Variants in GPC5 observed in about 807,000 individuals in gnomAD.
The protein encoded by GPC5 is glypican-5.
A neutral mutation model predicts 53.9 loss-of-function variants in GPC5; 47 were observed. That is an observed-to-expected ratio of 0.87 (90% CI 0.69 to 1.11). The LOEUF is 1.11. GPC5 is among the 50% of genes most tolerant of loss of function. The pLI, the probability that GPC5 is intolerant of heterozygous loss-of-function variation, is 0.00. For missense variants in GPC5, 748 were observed against 713.1 expected (o/e 1.05, Z -0.56); for synonymous variants, 286 against 263.3 (o/e 1.09, Z -0.84).
At chr13:92,443,372 A>G (rs1214383680) in intron 7 of GPC5, among the ~76,000 whole-genome samples, 1 of 152,190 alleles carries the variant, frequency 6.6e-6, no homozygotes, top group Admixed American at 6.5e-5. Context: ...TCCAAACCAT[A>G]TTTCCAGATG....
intron 2 of GPC5, among the ~76,000 whole-genome samples, chr13:91,537,515 T>C (rs1886647447): frequency 1.3e-5 from 2 of 152,194 alleles, no homozygotes; most frequent in African/African-American, 2.4e-5. Flanking sequence ...AGTAAAGAGA[T>C]TGTATTGGTA....
chr13:92,625,017 C>T (rs1885001466), intron 7 of GPC5, among the ~76,000 whole-genome samples: 1 of 152,090 alleles, frequency 6.6e-6, no homozygotes, highest in African/African-American at 2.4e-5. Context: ...CTATCTAATC[C>T]AGAGCTTGCT....
At chr13:92,389,189 G>C (rs1307871420) in intron 7 of GPC5, among the ~76,000 whole-genome samples, 1 of 152,126 alleles carries the variant, frequency 6.6e-6, no homozygotes, top group Non-Finnish European at 1.5e-5. Context: ...AAAAGTCTTA[G>C]TTTTATTTAT....
chr13:92,431,499 A>C (rs1877084861), intron 7 of GPC5, among the ~76,000 whole-genome samples: 1 of 151,724 alleles, frequency 6.6e-6, no homozygotes, highest in Non-Finnish European at 1.5e-5. Context: ...AAAGCACTTC[A>C]GGAAGATTAA....
chr13:92,227,605 G>A lies in GPC5; in HGVS notation c.1561+82616G>A, dbSNP rs2042497463. Among the ~76,000 whole-genome samples the A allele has an allele frequency of 2.0e-5, 3 of 151,890 alleles. No homozygotes were observed. In the South Asian group the frequency reaches 6.2e-4, roughly 32 times the overall value. On this transcript the variant is annotated intron_variant, in intron 7 of 7. Transcript: ENST00000377067. ...CAAAAGAGACAGAAAAACGAAACTT[G>A]GTAATAACCAATATAATAAAGTAGA...
intron 7 of GPC5, among the ~76,000 whole-genome samples, chr13:92,844,562 G>A (rs1376207016): frequency 1.3e-5 from 2 of 151,676 alleles, no homozygotes; most frequent in East Asian, 3.9e-4. Context: ...GTGTGTATAC[G>A]TGTGTCCCTG....
At chr13:92,628,748 G>A (rs188137539) in intron 7 of GPC5, among the ~76,000 whole-genome samples, 86 of 152,184 alleles carry the variant, frequency 5.7e-4, no homozygotes, top group African/African-American at 1.9e-3. Context: ...CTCCTTCTCC[G>A]AGTTGAGACT....
At chr13:92,863,090 C>T (rs1367652730) in intron 7 of GPC5, among the ~76,000 whole-genome samples, 1 of 152,142 alleles carries the variant, frequency 6.6e-6, no homozygotes, top group Non-Finnish European at 1.5e-5. Context: ...TCAGCCATTC[C>T]AGATGACAAG....
intron 6 of GPC5, among the ~76,000 whole-genome samples, chr13:91,983,205 G>A (rs1269014165): frequency 6.6e-6 from 1 of 152,148 alleles, no homozygotes; most frequent in Non-Finnish European, 1.5e-5. Flanking sequence ...AATTAGCCGG[G>A]CGTACTGGCG....
chr13:91,507,733 A>T (rs1334309975), intron 2 of GPC5, among the ~76,000 whole-genome samples: 3 of 152,050 alleles, frequency 2.0e-5, no homozygotes, highest in Non-Finnish European at 4.4e-5. Context: ...CATCACATTG[A>T]GGGGTTAGGT....
chr13:92,759,467 G>A (rs1875068783), intron 7 of GPC5, among the ~76,000 whole-genome samples: 2 of 151,624 alleles, frequency 1.3e-5, no homozygotes, highest in African/African-American at 4.8e-5. Context: ...TCCTGATTAT[G>A]TTTTATACTA....
intron 6 of GPC5, among the ~76,000 whole-genome samples, chr13:92,077,712 A>G (rs1445612430): frequency 6.6e-6 from 1 of 152,196 alleles, no homozygotes; most frequent in South Asian, 2.1e-4. Flanking sequence ...CTGAGTGCAG[A>G]AAGTCTGCAA....
chr13:92,377,055 T>C (rs2043700897), intron 7 of GPC5, among the ~76,000 whole-genome samples: 1 of 152,040 alleles, frequency 6.6e-6, no homozygotes. Flanking sequence ...CTGACTGAAG[T>C]AAGACAGTCA....
intron 6 of GPC5, among the ~76,000 whole-genome samples, chr13:91,991,607 C>T (rs138479776): frequency 4.6e-5 from 7 of 152,072 alleles, no homozygotes; most frequent in East Asian, 1.9e-4. Context: ...CACATTTTCC[C>T]GTAAACATCA....
At chr13:91,536,694 A>G (rs6492551) in intron 2 of GPC5, among the ~76,000 whole-genome samples, 142,182 of 152,206 alleles carry the variant, frequency 0.93, 66,480 homozygotes, top group East Asian at 1. Flanking sequence ...CTGTGTCTAT[A>G]TAAGTACATC....
chr13:92,239,484 T>A (rs2042594050), intron 7 of GPC5, among the ~76,000 whole-genome samples: 3 of 152,048 alleles, frequency 2.0e-5, no homozygotes, highest in Admixed American at 2.0e-4. Context: ...GCATGCATGG[T>A]CATTTGGTTC....
In GPC5 at chr13:92,116,487, T is replaced by C. The variant is rs148090864; in HGVS notation, c.1402-28343T>C. On this transcript the variant is annotated intron_variant, in intron 6 of 7. Transcript: ENST00000377067. ...TGTCATGGCAGCCATAGCAAACTAA[T>C]ATACCGTGTTTGTTTATTAATAAAA... Among the ~76,000 whole-genome samples, 882 of 152,312 alleles carry C rather than the reference T, an allele frequency of 5.8e-3. 12 individuals carry two copies. The highest frequency in any genetic ancestry group is 0.02 in the African/African-American group (812 of 41,564).
intron 7 of GPC5, among the ~76,000 whole-genome samples, chr13:92,223,605 A>G (rs947472233): frequency 6.6e-6 from 1 of 152,132 alleles, no homozygotes; most frequent in Non-Finnish European, 1.5e-5. Flanking sequence ...ATATAAAAAG[A>G]TGAAACCTCA....
At chr13:92,600,706 C>T (rs1156340928) in intron 7 of GPC5, among the ~76,000 whole-genome samples, 1 of 150,276 alleles carries the variant, frequency 6.7e-6, no homozygotes, top group African/African-American at 2.4e-5. Flanking sequence ...GGGGTTTCAC[C>T]CTGTTAGCCA....
Sources: allele counts gnomAD v4.1 joint callset (sites outside exome capture counted in the v4.1 genomes callset), GRCh38; gene constraint gnomAD v4.1.1; transcripts MANE v1.5; gene names NCBI Gene and HGNC (gene_info 2026-07-23, HGNC 2026-07-21).